The following SLC24A2 variants were observed in gnomAD, a reference collection of about 807,000 sequenced individuals.
The protein encoded by SLC24A2 is sodium/potassium/calcium exchanger 2.
SLC24A2 carries 36 observed loss-of-function variants against 62.0 expected under a neutral mutation model. That is an observed-to-expected ratio of 0.58 (90% CI 0.44 to 0.77). The LOEUF is 0.77. Among genes scored for constraint, SLC24A2 ranks in the 30% least tolerant of loss-of-function variants. SLC24A2 has a pLI of 0.00. For missense variants in SLC24A2, 846 were observed against 817.9 expected (o/e 1.03, Z -0.42); for synonymous variants, 358 against 294.0 (o/e 1.22, Z -2.23).
chr9:20,118,413 TA>T, the SLC24A2 span, among the ~76,000 whole-genome samples: 4 of 151,786 alleles, frequency 2.6e-5, no homozygotes, highest in Non-Finnish European at 5.9e-5. Flanking sequence ...GAAAGACGAA[TA>T]AAAAAAGACA....
At chr9:19,772,376 C>T (rs904363566) in intron 2 of SLC24A2, among the ~76,000 whole-genome samples, 3 of 152,278 alleles carry the variant, frequency 2.0e-5, no homozygotes, top group African/African-American at 4.8e-5. Flanking sequence ...CAAGATAGAA[C>T]AGCTTGGTAG....
At chr9:19,811,252 A>G in the SLC24A2 span, among the ~76,000 whole-genome samples, 2 of 152,146 alleles carry the variant, frequency 1.3e-5, no homozygotes, top group African/African-American at 4.8e-5. Context: ...GCCCAAACAT[A>G]TTGGCACCCT....
the SLC24A2 span, among the ~76,000 whole-genome samples, chr9:20,044,394 C>G: frequency 6.6e-6 from 1 of 152,056 alleles, no homozygotes; most frequent in Non-Finnish European, 1.5e-5. Flanking sequence ...CTGAAAAGAG[C>G]AGTATTTGTG....
At chr9:20,238,345 T>A in the SLC24A2 span, among the ~76,000 whole-genome samples, 1 of 152,146 alleles carries the variant, frequency 6.6e-6, no homozygotes, top group Non-Finnish European at 1.5e-5. Context: ...ACTCCGACCT[T>A]CACACACATA....
At chr9:20,280,297 A>AT in the SLC24A2 span, among the ~76,000 whole-genome samples, 61 of 152,136 alleles carry the variant, frequency 4.0e-4, no homozygotes, top group African/African-American at 1.4e-3. Context: ...GCAAGGTACC[A>AT]TTTTTTTGTA....
chr9:19,815,424 C>T, the SLC24A2 span, among the ~76,000 whole-genome samples: 1 of 152,044 alleles, frequency 6.6e-6, no homozygotes, highest in Admixed American at 6.6e-5. Context: ...GGACAATTTC[C>T]CCAAAACCTG....
At chr9:19,673,714 T>C (rs1366507369) in intron 2 of SLC24A2, among the ~76,000 whole-genome samples, 3 of 152,196 alleles carry the variant, frequency 2.0e-5, no homozygotes, top group Non-Finnish European at 4.4e-5. Context: ...CCTCCCAAAA[T>C]GCTGGGATTA....
At chr9:19,516,650 A>C (rs938550614) in intron 10 of SLC24A2, among the ~76,000 whole-genome samples, 2 of 152,228 alleles carry the variant, frequency 1.3e-5, no homozygotes, top group Non-Finnish European at 2.9e-5. Context: ...AACATCAAAG[A>C]CATGACTGCT....
At chr9:19,719,351 T>G (rs1284582197) in intron 2 of SLC24A2, among the ~76,000 whole-genome samples, 5 of 152,230 alleles carry the variant, frequency 3.3e-5, no homozygotes, top group Non-Finnish European at 2.9e-5. Context: ...TTGTAATTTC[T>G]TTAGCACTAT....
intron 2 of SLC24A2, among the ~76,000 whole-genome samples, chr9:19,785,358 G>A (rs1462248270): frequency 6.6e-6 from 1 of 152,178 alleles, no homozygotes; most frequent in Non-Finnish European, 1.5e-5. Context: ...TCTTTACAAT[G>A]GATGCTGATC....
At chr9:19,798,066 T>A in the SLC24A2 span, among the ~76,000 whole-genome samples, 2 of 152,206 alleles carry the variant, frequency 1.3e-5, no homozygotes, top group African/African-American at 4.8e-5. Flanking sequence ...GACTGTATCA[T>A]GTTTATATAG....
intron 2 of SLC24A2, among the ~76,000 whole-genome samples, chr9:19,657,947 G>A (rs1353474425): frequency 1.3e-5 from 2 of 152,114 alleles, no homozygotes; most frequent in African/African-American, 4.8e-5. Context: ...CCAGGCTGGA[G>A]AACTTCTTAT....
At chr9:19,913,132 AG>A in the SLC24A2 span, among the ~76,000 whole-genome samples, 1 of 152,036 alleles carries the variant, frequency 6.6e-6, no homozygotes, top group Non-Finnish European at 1.5e-5. Context: ...TACTCTTCCC[AG>A]GTCGTCTCAT....
intron 2 of SLC24A2, among the ~76,000 whole-genome samples, chr9:19,776,075 A>G (rs1231744131): frequency 6.6e-6 from 1 of 152,256 alleles, no homozygotes; most frequent in East Asian, 1.9e-4. Context: ...AAATATGCAC[A>G]TATGTATGTG....
chr9:19,945,880 A>G, the SLC24A2 span, among the ~76,000 whole-genome samples: 5 of 152,226 alleles, frequency 3.3e-5, no homozygotes, highest in African/African-American at 1.2e-4. Context: ...TCTTTTCCAA[A>G]GGAGGCTGCC....
intron 2 of SLC24A2, among the ~76,000 whole-genome samples, chr9:19,690,805 T>G (rs1005784603): frequency 6.6e-6 from 1 of 152,066 alleles, no homozygotes; most frequent in Admixed American, 6.6e-5. Context: ...AGATTACACC[T>G]GATGCTGAAT....
At chr9:19,651,856 G>A (rs1009803807) in intron 2 of SLC24A2, among the ~76,000 whole-genome samples, 2 of 152,088 alleles carry the variant, frequency 1.3e-5, no homozygotes, top group African/African-American at 4.8e-5. Flanking sequence ...TATGACATGC[G>A]CCGCAGGCTT....
At chr9:19,955,728 C>T in the SLC24A2 span, among the ~76,000 whole-genome samples, 2 of 152,078 alleles carry the variant, frequency 1.3e-5, no homozygotes, top group Admixed American at 1.3e-4. Flanking sequence ...TTCTAATTTC[C>T]TCCATCCTCT....
At chr9:20,104,760 G>C in the SLC24A2 span, among the ~76,000 whole-genome samples, 2 of 152,190 alleles carry the variant, frequency 1.3e-5, no homozygotes, top group South Asian at 2.1e-4. Flanking sequence ...AAATTGTAAA[G>C]ACCATCAAGG....
Sources: allele counts gnomAD v4.1 joint callset (sites outside exome capture counted in the v4.1 genomes callset), GRCh38; gene constraint gnomAD v4.1.1; transcripts MANE v1.5; gene names NCBI Gene and HGNC (gene_info 2026-07-23, HGNC 2026-07-21).